HIBADH: variants seen among roughly 807,000 people sequenced by gnomAD.
HIBADH encodes the protein 3-hydroxyisobutyrate dehydrogenase, mitochondrial.
Under a neutral mutation model 36.1 loss-of-function variants are expected in HIBADH, and 25 were observed. The ratio of observed to expected loss-of-function variants is 0.69; its 90% CI spans 0.50 to 0.97. HIBADH has a LOEUF of 0.97. Among genes scored for constraint, HIBADH ranks in the 50% least tolerant of loss-of-function variants. The probability of loss-of-function intolerance (pLI) is 0.00; values close to 1 mark genes in which losing one functional copy is unlikely to be tolerated. For synonymous variants in HIBADH, 160 were observed against 149.5 expected (o/e 1.07, Z -0.51); for missense variants, 421 against 418.0 (o/e 1.01, Z -0.06).
chr7:27,554,856 C>T (rs1024729029), intron 4 of HIBADH, among the ~76,000 whole-genome samples: 5 of 152,166 alleles, frequency 3.3e-5, no homozygotes, highest in Non-Finnish European at 7.4e-5. Context: ...AAAATGTGGA[C>T]TCTCATATTT....
chr7:27,550,352 G>A (rs983597615), intron 4 of HIBADH, among the ~76,000 whole-genome samples: 1 of 152,244 alleles, frequency 6.6e-6, no homozygotes, highest in Non-Finnish European at 1.5e-5. Context: ...GTTGTAGGAA[G>A]CAATGAATTT....
At chr7:27,609,829 AT>A (rs1165064632) in intron 4 of HIBADH, among the ~76,000 whole-genome samples, 1 of 151,904 alleles carries the variant, frequency 6.6e-6, no homozygotes, top group Non-Finnish European at 1.5e-5. Flanking sequence ...TTATTTATTT[AT>A]TTTTTGAGAC....
chr7:27,654,557 C>T (rs951114420), intron 1 of HIBADH, among the ~76,000 whole-genome samples: 13 of 152,040 alleles, frequency 8.6e-5, no homozygotes, highest in African/African-American at 1.4e-4. Context: ...AGTGGTGCAA[C>T]ATTTTTTAAA....
intron 4 of HIBADH, among the ~76,000 whole-genome samples, chr7:27,621,195 T>C (rs1785535714): frequency 6.6e-6 from 1 of 152,066 alleles, no homozygotes; most frequent in Admixed American, 6.5e-5. Flanking sequence ...ATTCCAAATA[T>C]ATATGCACCC....
intron 6 of HIBADH, among the ~76,000 whole-genome samples, chr7:27,534,864 A>C (rs1343970791): frequency 6.6e-6 from 1 of 151,656 alleles, no homozygotes; most frequent in Admixed American, 6.6e-5. Context: ...AATAAGTTTT[A>C]TATGGATTAA....
chr7:27,569,170 T>G (rs1405137084), intron 4 of HIBADH, among the ~76,000 whole-genome samples: 1 of 152,172 alleles, frequency 6.6e-6, no homozygotes, highest in Non-Finnish European at 1.5e-5. Flanking sequence ...ATTATTGTAT[T>G]TTCCAGTTAT....
intron 1 of HIBADH, among the ~76,000 whole-genome samples, chr7:27,650,729 AAG>A (rs70974489): frequency 0.099 from 13,319 of 135,084 alleles, 980 homozygotes; most frequent in East Asian, 0.33. Context: ...AAAAAAAAAA[AAG>A]CCTTAAAAAC....
At chr7:27,630,590 A>G (rs1474547913) in intron 3 of HIBADH, among the ~76,000 whole-genome samples, 1 of 152,208 alleles carries the variant, frequency 6.6e-6, no homozygotes, top group Non-Finnish European at 1.5e-5. Flanking sequence ...TTTCTATTAA[A>G]AAAATAGCAC....
chr7:27,567,092 G>A (rs1375731216), intron 4 of HIBADH, among the ~76,000 whole-genome samples: 1 of 152,070 alleles, frequency 6.6e-6, no homozygotes, highest in African/African-American at 2.4e-5. Flanking sequence ...TGATTTTTCT[G>A]TCTACTTGTC....
chr7:27,550,138 T>G (rs944955546), intron 4 of HIBADH, among the ~76,000 whole-genome samples: 1 of 152,092 alleles, frequency 6.6e-6, no homozygotes, highest in Admixed American at 6.6e-5. Context: ...CTCGATCTCT[T>G]TGCCTCATGA....
chr7:27,594,158 T>C (rs1784989863), intron 4 of HIBADH, among the ~76,000 whole-genome samples: 1 of 150,790 alleles, frequency 6.6e-6, no homozygotes, highest in Non-Finnish European at 1.5e-5. Context: ...TTTTGTTTTT[T>C]TTCTGAAACA....
At chr7:27,657,492 G>A (rs1332543230) in intron 1 of HIBADH, among the ~76,000 whole-genome samples, 1 of 152,142 alleles carries the variant, frequency 6.6e-6, no homozygotes, top group Non-Finnish European at 1.5e-5. Context: ...ATCTCAGCAA[G>A]AGAATCACTC....
At chr7:27,599,226 A>T (rs1785082913) in intron 4 of HIBADH, among the ~76,000 whole-genome samples, 2 of 152,236 alleles carry the variant, frequency 1.3e-5, no homozygotes, top group Admixed American at 1.3e-4. Context: ...AAAAAAGTTT[A>T]TCAAATGCAT....
chr7:27,652,833 G>A (rs754972422), intron 1 of HIBADH, among the ~76,000 whole-genome samples: 1 of 152,248 alleles, frequency 6.6e-6, no homozygotes, highest in East Asian at 1.9e-4. Context: ...ATTATATTGA[G>A]GGTTAGGAAT....
At chr7:27,528,684 A>G (rs998931223) in intron 7 of HIBADH, among the ~76,000 whole-genome samples, 2 of 152,260 alleles carry the variant, frequency 1.3e-5, no homozygotes, top group African/African-American at 4.8e-5. Context: ...AGCCATCTCC[A>G]TAACATAAAA....
intron 1 of HIBADH, among the ~76,000 whole-genome samples, chr7:27,656,897 T>A (rs766302049): frequency 2.6e-5 from 4 of 152,200 alleles, no homozygotes; most frequent in Non-Finnish European, 4.4e-5. Context: ...AAAAGTGGAC[T>A]GTGTAAAGGT....
At chr7:27,561,454 A>G (rs981571124) in intron 4 of HIBADH, among the ~76,000 whole-genome samples, 1 of 152,162 alleles carries the variant, frequency 6.6e-6, no homozygotes, top group African/African-American at 2.4e-5. Flanking sequence ...TACTAATTAC[A>G]TTGCATTGTA....
At chr7:27,529,156 A>G (rs961575357) in intron 7 of HIBADH, among the ~76,000 whole-genome samples, 1 of 152,230 alleles carries the variant, frequency 6.6e-6, no homozygotes, top group African/African-American at 2.4e-5. Flanking sequence ...CACTGACAGT[A>G]CACGTGGTCA....
chr7:27,557,009 A>G (rs1334463426), intron 4 of HIBADH, among the ~76,000 whole-genome samples: 1 of 152,082 alleles, frequency 6.6e-6, no homozygotes, highest in African/African-American at 2.4e-5. Context: ...ACATGGTAAC[A>G]CATGCCTGTG....
Sources: allele counts gnomAD v4.1 joint callset (sites outside exome capture counted in the v4.1 genomes callset), GRCh38; gene constraint gnomAD v4.1.1; transcripts MANE v1.5; gene names NCBI Gene and HGNC (gene_info 2026-07-23, HGNC 2026-07-21).